Variants in ASXL1 observed in about 807,000 individuals in gnomAD.
ASXL1 encodes polycomb group protein ASXL1.
In ASXL1, 65 loss-of-function variants were observed where a neutral mutation model predicts 89.1. That is an observed-to-expected ratio of 0.73 (90% CI 0.60 to 0.90). The LOEUF (loss-of-function observed/expected upper bound fraction) is 0.90, where lower values mean the gene tolerates loss of function less well. Among genes scored for constraint, ASXL1 ranks in the 40% least tolerant of loss-of-function variants. ASXL1 has a pLI of 0.00. For synonymous variants in ASXL1, 739 were observed against 746.9 expected (o/e 0.99, Z 0.17); for missense variants, 1,786 against 1,942.9 (o/e 0.92, Z 1.52).
chr20:32,406,077 G>C lies in ASXL1; in HGVS notation c.253-22051G>C, dbSNP rs574755213. ...TGATCCCAGTTCCTTTCAGTGGGAA[G>C]GGGCTAAGGAATATATGGGTATATT... is the stretch of plus-strand genomic sequence containing the variant. On this transcript the variant is annotated intron_variant, in intron 4 of 12. Transcript: ENST00000375687. Among the ~76,000 whole-genome samples, 33 of 152,220 alleles carry C rather than the reference G, an allele frequency of 2.2e-4. 1 individual carries two copies. In the South Asian group the frequency reaches 5.4e-3, roughly 25 times the overall value.
At chr20:32,397,207 G>A (rs1159640713) in intron 4 of ASXL1, among the ~76,000 whole-genome samples, 1 of 90,024 alleles carries the variant, frequency 1.1e-5, no homozygotes, top group African/African-American at 4.0e-5. Flanking sequence ...CCCATGCCTG[G>A]CCTTTTTTTT....
At position 32,439,035 on chromosome 20, in the gene ASXL1, G is replaced by A. The variant is rs750908370; in HGVS notation, c.*1697G>A. The A allele has an allele frequency of 1.8e-4, 43 of 233,442 alleles. No individual in the cohort carries two copies. The highest frequency in any genetic ancestry group is 3.2e-4 in the Non-Finnish European group (38 of 117,998). The allele number at this position is 233,442 out of a possible 1,614,324, so 14.5% of individuals were successfully genotyped here. ...GAAAGGTTTTTTTCTCATTTAATCT[G>A]ATGTGGCATTTTCGTCATCTGAAGC... is the stretch of plus-strand genomic sequence containing the variant. On this transcript the variant is annotated 3_prime_UTR_variant, in exon 13 of 13. Coordinates refer to ENST00000375687, the MANE Select transcript of ASXL1 (RefSeq NM_015338.6).
chr20:32,428,565 CA>C (rs1382139209), intron 6 of ASXL1, 143 bp downstream of exon 6: 1 of 726,268 alleles, frequency 1.4e-6, no homozygotes, highest in Non-Finnish European at 2.4e-6. Flanking sequence ...TAGCATTTAA[CA>C]GGGGGCCGCA....
At chr20:32,405,293 T>A (rs539604462) in intron 4 of ASXL1, among the ~76,000 whole-genome samples, 328 of 152,150 alleles carry the variant, frequency 2.2e-3, no homozygotes, top group Non-Finnish European at 4.0e-3. Context: ...TAATTTTAAT[T>A]TTTTGAACTT....
chr20:32,362,618 C>T (rs566236533), intron 1 of ASXL1, among the ~76,000 whole-genome samples: 2 of 152,190 alleles, frequency 1.3e-5, no homozygotes, highest in Admixed American at 1.3e-4. Context: ...CCAGCCTGGG[C>T]GACAGAGCAA....
chr20:32,434,198 A>T, intron 12 of ASXL1: 1 of 695,080 alleles, frequency 1.4e-6, no homozygotes, highest in Non-Finnish European at 2.4e-6. Flanking sequence ...AGTGACTCAC[A>T]CAGTCCCACC....
At chr20:32,401,039 T>C (rs913862530) in intron 4 of ASXL1, among the ~76,000 whole-genome samples, 1 of 152,206 alleles carries the variant, frequency 6.6e-6, no homozygotes, top group Non-Finnish European at 1.5e-5. Context: ...GCAGAAATAA[T>C]ACAGAGTTCT....
chr20:32,363,926 A>T (rs760651884), intron 1 of ASXL1, among the ~76,000 whole-genome samples: 1 of 152,174 alleles, frequency 6.6e-6, no homozygotes, highest in South Asian at 2.1e-4. Flanking sequence ...CAGAGACCAG[A>T]TTGTGAGGGT....
In ASXL1 at chr20:32,433,730, C is replaced by T; in HGVS notation, c.1532C>T (p.Pro511Leu). ...SASPDRIPSL[P>L]QETVDQEPKD... ...TCTCCAGACAGAATTCCTAGCCTGCCTCAGGAAACTGTGGATCAGGAACCC... is the reference window on the plus strand; with the variant it reads ...TCTCCAGACAGAATTCCTAGCCTGCTTCAGGAAACTGTGGATCAGGAACCC... Residue 511 changes from proline to leucine, a missense_variant, in exon 12 of 13, where the codon CCT becomes CTT. Coordinates refer to ENST00000375687, the MANE Select transcript of ASXL1 (RefSeq NM_015338.6). The T allele has an allele frequency of 6.2e-7, 1 of 1,613,598 alleles. No homozygotes were observed.
At chr20:32,359,342 G>A (rs2048069936) in intron 1 of ASXL1, 3 of 702,474 alleles carry the variant, frequency 4.3e-6, no homozygotes, top group South Asian at 1.5e-5. Context: ...CAGGTGCGTG[G>A]AGGGAAGCAA....
At chr20:32,369,213 G>T in intron 4 of ASXL1, 90 bp downstream of exon 4, 1 of 1,241,654 alleles carries the variant, frequency 8.1e-7, no homozygotes, top group Non-Finnish European at 1.2e-6. Flanking sequence ...TAGGGGCCAT[G>T]AATTTGCATT....
chr20:32,428,150 G>A lies in ASXL1; in HGVS notation c.275G>A (p.Arg92His), dbSNP rs745960978. The A allele has an allele frequency of 2.6e-5, 42 of 1,613,550 alleles. No individual in the cohort carries two copies. Among genetic ancestry groups the A allele is most frequent in the Middle Eastern group, 3.5e-4 (2 of 5,724 alleles). Residue 92 changes from arginine to histidine, a missense_variant, in exon 5 of 13, where the codon CGC becomes CAC. Transcript: ENST00000375687. ...CAGAAGGATGCCCTGCAGTGGTCTC[G>A]CCATCCAGCTACAGTGGAGGGAGAG... ...TLKKDALQWS[R>H]HPATVEGEEP...
intron 4 of ASXL1, among the ~76,000 whole-genome samples, chr20:32,393,372 G>GT (rs1032311724): frequency 5.3e-5 from 8 of 151,752 alleles, no homozygotes; most frequent in Non-Finnish European, 1.0e-4. Context: ...GTTTAAAGTG[G>GT]TTTTTTTTCC....
chr20:32,379,896 T>C (rs923572151), intron 4 of ASXL1, among the ~76,000 whole-genome samples: 8 of 150,782 alleles, frequency 5.3e-5, no homozygotes, highest in Non-Finnish European at 1.2e-4. Context: ...TGTGATGATA[T>C]ATGGTTCAGC....
intron 4 of ASXL1, among the ~76,000 whole-genome samples, chr20:32,419,779 A>T (rs2049207685): frequency 6.7e-6 from 1 of 149,268 alleles, no homozygotes; most frequent in African/African-American, 2.5e-5. Context: ...TCTCCCATTC[A>T]GGCAATTCTC....
At chr20:32,397,250 C>CTTTTTTTTTTTT (rs71187116) in intron 4 of ASXL1, among the ~76,000 whole-genome samples, 1 of 6,982 alleles carries the variant, frequency 1.4e-4, no homozygotes, top group African/African-American at 4.7e-4. Flanking sequence ...CCATGCCTGG[C>CTTTTTTTTTTTT]TTTTTTTTTT....
intron 4 of ASXL1, among the ~76,000 whole-genome samples, chr20:32,406,736 C>A (rs557025251): frequency 6.6e-6 from 1 of 152,262 alleles, no homozygotes; most frequent in South Asian, 2.1e-4. Flanking sequence ...GGTGTTCTCC[C>A]ATATACATGC....
chr20:32,413,974 T>G (rs942807347), intron 4 of ASXL1, among the ~76,000 whole-genome samples: 1 of 152,248 alleles, frequency 6.6e-6, no homozygotes, highest in Non-Finnish European at 1.5e-5. Context: ...CACTAGATTG[T>G]TGGTTGGGCT....
chr20:32,427,798 A>T, intron 4 of ASXL1: 1 of 373,300 alleles, frequency 2.7e-6, no homozygotes, highest in Non-Finnish European at 5.2e-6. Flanking sequence ...TAATCAGTTT[A>T]ATTGACCCCC....
Sources: allele counts gnomAD v4.1 joint callset (sites outside exome capture counted in the v4.1 genomes callset), GRCh38; gene constraint gnomAD v4.1.1; transcripts MANE v1.5; gene names NCBI Gene and HGNC (gene_info 2026-07-23, HGNC 2026-07-21).